The following SYT1 variants were observed in gnomAD, a reference collection of about 807,000 sequenced individuals.
SYT1 encodes the protein synaptotagmin 1, also known as synaptotagmin-1.
In SYT1, 8 loss-of-function variants were observed where a neutral mutation model predicts 44.8. The ratio of observed to expected loss-of-function variants is 0.18; its 90% confidence interval spans 0.10 to 0.32. SYT1 has a LOEUF of 0.32. Ranked by LOEUF, SYT1 falls within the 10% of genes least tolerant of loss-of-function variation. SYT1 has a pLI of 1.00. For synonymous variants in SYT1, 154 were observed against 188.8 expected, an observed-to-expected ratio of 0.82 and a Z score of 1.51; for missense variants, 286 against 509.3, an observed-to-expected ratio of 0.56 and a Z score of 4.22.
At chr12:79,047,796 G>A (rs1437253277) in intron 3 of SYT1, among the ~76,000 whole-genome samples, 1 of 149,994 alleles carries the variant, frequency 6.7e-6, no homozygotes, top group African/African-American at 2.5e-5. Flanking sequence ...ATTAAAAAAT[G>A]GCAGCTATCT....
chr12:79,057,362 T>C (rs1875034410), intron 3 of SYT1, among the ~76,000 whole-genome samples: 2 of 152,028 alleles, frequency 1.3e-5, no homozygotes, highest in Non-Finnish European at 2.9e-5. Flanking sequence ...AAAATGTCTC[T>C]AAACAAAAGC....
At chr12:79,398,090 A>G (rs191039718) in intron 9 of SYT1, among the ~76,000 whole-genome samples, 1 of 152,330 alleles carries the variant, frequency 6.6e-6, no homozygotes, top group Non-Finnish European at 1.5e-5. Context: ...CTGTTCCACC[A>G]ATTATATTCC....
intron 1 of SYT1, among the ~76,000 whole-genome samples, chr12:78,898,166 G>T (rs1388087739): frequency 6.6e-6 from 1 of 151,990 alleles, no homozygotes; most frequent in African/African-American, 2.4e-5. Context: ...CTTAAACTCA[G>T]TGTCTCATTT....
intron 1 of SYT1, among the ~76,000 whole-genome samples, chr12:78,936,503 C>T (rs1453600720): frequency 2.0e-5 from 3 of 151,954 alleles, no homozygotes; most frequent in Non-Finnish European, 2.9e-5. Context: ...GTAGGTATGC[C>T]TGTTTATTTT....
chr12:78,930,287 TATTA>T lies in SYT1; in HGVS notation c.-216-47508_-216-47505del, dbSNP rs565448542. On this transcript the variant is annotated intron_variant, in intron 1 of 10. Coordinates refer to ENST00000261205, the MANE Select transcript of SYT1 (RefSeq NM_005639.3). ...ATTGTACCCTATAAATACACACAAT[TATTA>T]ATTGTCATTTAAAAATAAACCAATA... 1.3e-3 allele frequency among the ~76,000 whole-genome samples: 197 copies of T among 152,192 alleles called. 3 individuals carry two copies. The highest frequency in any genetic ancestry group is 4.5e-3 in the African/African-American group (188 of 41,542).
intron 8 of SYT1, among the ~76,000 whole-genome samples, chr12:79,321,050 TC>T (rs1881336742): frequency 6.6e-6 from 1 of 152,140 alleles, no homozygotes; most frequent in Non-Finnish European, 1.5e-5. Flanking sequence ...TGCTGTTCAG[TC>T]CCCTTGAGAG....
At chr12:79,305,335 C>T (rs1880339769) in intron 8 of SYT1, among the ~76,000 whole-genome samples, 1 of 152,146 alleles carries the variant, frequency 6.6e-6, no homozygotes, top group South Asian at 2.1e-4. Context: ...GGCTACCTTC[C>T]ATTGTTCTCC....
At chr12:79,428,914 A>G (rs1869606556) in intron 9 of SYT1, among the ~76,000 whole-genome samples, 1 of 152,144 alleles carries the variant, frequency 6.6e-6, no homozygotes, top group African/African-American at 2.4e-5. Flanking sequence ...GAAGCTTCCA[A>G]TTGTAGTAGA....
At chr12:79,098,192 A>G (rs754747214) in intron 3 of SYT1, among the ~76,000 whole-genome samples, 31 of 152,032 alleles carry the variant, frequency 2.0e-4, no homozygotes, top group Admixed American at 5.3e-4. Context: ...TCCCTCTGCA[A>G]AAGGCTCAAC....
chr12:78,916,371 T>C (rs904926179), intron 1 of SYT1, among the ~76,000 whole-genome samples: 2 of 152,090 alleles, frequency 1.3e-5, no homozygotes, highest in Non-Finnish European at 2.9e-5. Flanking sequence ...GAATGTATCA[T>C]TCAAAACATT....
intron 3 of SYT1, among the ~76,000 whole-genome samples, chr12:79,189,466 C>T (rs1409422033): frequency 6.6e-6 from 1 of 152,090 alleles, no homozygotes; most frequent in Non-Finnish European, 1.5e-5. Context: ...AAAATGTGAA[C>T]AATTCCCAAA....
intron 2 of SYT1, among the ~76,000 whole-genome samples, chr12:78,981,113 G>A (rs1592629496): frequency 6.9e-6 from 1 of 144,148 alleles, no homozygotes; most frequent in Admixed American, 6.9e-5. Context: ...TTGTTGTTTT[G>A]TTTGTTTCTT....
intron 2 of SYT1, among the ~76,000 whole-genome samples, chr12:79,036,773 C>A (rs977198868): frequency 1.3e-5 from 2 of 151,676 alleles, no homozygotes; most frequent in African/African-American, 2.4e-5. Context: ...CTATTTTTCT[C>A]ATTTCTCTTT....
At chr12:79,210,826 C>T (rs952867301) in intron 3 of SYT1, among the ~76,000 whole-genome samples, 1 of 152,104 alleles carries the variant, frequency 6.6e-6, no homozygotes, top group Non-Finnish European at 1.5e-5. Flanking sequence ...ATGATACCTT[C>T]ATATCTTTTC....
chr12:79,249,402 C>T (rs1877060390), intron 4 of SYT1, among the ~76,000 whole-genome samples: 1 of 152,100 alleles, frequency 6.6e-6, no homozygotes. Flanking sequence ...CCGCGCCCGG[C>T]CCTCTTTACC....
In SYT1 at chr12:79,077,388, G is replaced by C. The variant is rs57503745; in HGVS notation, c.-18+30026G>C. On this transcript the variant is annotated intron_variant, in intron 3 of 10. Coordinates refer to ENST00000261205, the MANE Select transcript of SYT1 (RefSeq NM_005639.3). ...CACAGAGATCTACCATTTGACACTG[G>C]ATAGGACCAAGGGAAGGTACACTTT... Among the ~76,000 whole-genome samples, 1,367 of 152,192 alleles carry C rather than the reference G, an allele frequency of 9.0e-3. 24 individuals carry two copies. The highest frequency in any genetic ancestry group is 0.031 in the African/African-American group (1,298 of 41,542).
chr12:79,112,470 G>A (rs1486961706), intron 3 of SYT1, among the ~76,000 whole-genome samples: 1 of 152,118 alleles, frequency 6.6e-6, no homozygotes. Flanking sequence ...GATAAGCCAT[G>A]TGGAGCCATT....
At chr12:79,253,643 T>C (rs956163459) in intron 4 of SYT1, among the ~76,000 whole-genome samples, 4 of 152,132 alleles carry the variant, frequency 2.6e-5, no homozygotes, top group African/African-American at 7.2e-5. Flanking sequence ...TCTTTCACTT[T>C]AAATCTAAAG....
intron 2 of SYT1, among the ~76,000 whole-genome samples, chr12:79,012,891 G>A (rs961797575): frequency 7.2e-5 from 11 of 152,158 alleles, no homozygotes; most frequent in African/African-American, 1.7e-4. Flanking sequence ...TTTCTGGGAC[G>A]TACCCCAGCC....
Sources: allele counts gnomAD v4.1 joint callset (sites outside exome capture counted in the v4.1 genomes callset), GRCh38; gene constraint gnomAD v4.1.1; transcripts MANE v1.5; gene names NCBI Gene and HGNC (gene_info 2026-07-23, HGNC 2026-07-21).